PAG1: variants seen among roughly 807,000 people sequenced by gnomAD.
PAG1 encodes phosphoprotein membrane anchor with glycosphingolipid microdomains 1.
A neutral mutation model predicts 31.7 loss-of-function variants in PAG1; 23 were observed. The observed-to-expected ratio is 0.73, with a 90% CI of 0.52 to 1.03. The LOEUF (loss-of-function observed/expected upper bound fraction) is 1.03, where lower values mean the gene tolerates loss of function less well. Among genes scored for constraint, PAG1 ranks in the 50% least tolerant of loss-of-function variants. PAG1 has a pLI of 0.00. For missense variants in PAG1, 473 were observed against 540.7 expected (o/e 0.87, Z 1.24); for synonymous variants, 214 against 210.3 (o/e 1.02, Z -0.15).
rs534984381 is a variant in PAG1, at chr8:81,043,488, T to TGTGTTCATTGTGTTC, written c.-174-13400_-174-13399insGAACACAATGAACAC. On this transcript the variant is annotated intron_variant, in intron 2 of 8. Transcript: ENST00000220597. ...GTTCAACAGTTTCATTGTGTTCATT[T>TGTGTTCATTGTGTTC]ACTGTGTGTTAGAGAATGTTCCATG... Among the ~76,000 whole-genome samples, 690 of 152,354 alleles carry TGTGTTCATTGTGTTC rather than the reference T, an allele frequency of 4.5e-3. 6 individuals are homozygous for TGTGTTCATTGTGTTC. Among genetic ancestry groups the TGTGTTCATTGTGTTC allele is most frequent in the Non-Finnish European group, 5.4e-3 (370 of 68,028 alleles).
intron 3 of PAG1, among the ~76,000 whole-genome samples, chr8:80,997,238 C>G (rs890580944): frequency 2.0e-5 from 3 of 152,162 alleles, no homozygotes; most frequent in Non-Finnish European, 4.4e-5. Context: ...TTACTTGACT[C>G]AATAAACTTG....
Position 81,019,775 on chromosome 8 carries a change from G to T in PAG1, c.-81+10221C>A, listed in dbSNP as rs532478289. Among the ~76,000 whole-genome samples the T allele has an allele frequency of 2.6e-5, 4 of 152,318 alleles. No homozygotes were observed. The South Asian group carries it at 8.3e-4, about 32-fold the overall frequency. On this transcript the variant is annotated intron_variant, in intron 3 of 8. Transcript: ENST00000220597. ...TACCCCTACACAGAGTTCCCACTGG[G>T]GCACTGCCTAGTACAGCCATGAGAA...
chr8:81,023,682 G>C (rs1471193143), intron 3 of PAG1, among the ~76,000 whole-genome samples: 1 of 151,826 alleles, frequency 6.6e-6, no homozygotes, highest in Non-Finnish European at 1.5e-5. Context: ...AATAAATCAA[G>C]GTCAAATTAC....
chr8:81,001,434 C>G (rs367745553), intron 3 of PAG1, among the ~76,000 whole-genome samples: 81 of 152,294 alleles, frequency 5.3e-4, no homozygotes, highest in African/African-American at 1.9e-3. Context: ...TCAAGTGATG[C>G]TGAAACTTGA....
intron 3 of PAG1, among the ~76,000 whole-genome samples, chr8:80,997,757 T>C (rs1453799048): frequency 2.8e-5 from 4 of 145,436 alleles, no homozygotes; most frequent in African/African-American, 1.1e-4. Context: ...TTAATAGTTG[T>C]ACATTAATTC....
intron 1 of PAG1, among the ~76,000 whole-genome samples, chr8:81,106,881 A>G (rs1586223985): frequency 2.6e-5 from 4 of 152,366 alleles, no homozygotes; most frequent in East Asian, 1.9e-4. Context: ...CTGGTTAGAC[A>G]TAAGTGTTCG....
At chr8:81,104,045 A>G (rs780730495) in intron 1 of PAG1, among the ~76,000 whole-genome samples, 1 of 151,866 alleles carries the variant, frequency 6.6e-6, no homozygotes, top group Non-Finnish European at 1.5e-5. Flanking sequence ...CTTGAGATCG[A>G]AATTCATGCC....
chr8:81,072,959 A>G (rs1485391318), intron 1 of PAG1, among the ~76,000 whole-genome samples: 3 of 152,202 alleles, frequency 2.0e-5, no homozygotes, highest in Admixed American at 6.5e-5. Context: ...CATGCTGACA[A>G]TGTTATTAAA....
intron 1 of PAG1, among the ~76,000 whole-genome samples, chr8:81,097,033 C>A (rs894127390): frequency 6.6e-6 from 1 of 152,204 alleles, no homozygotes; most frequent in African/African-American, 2.4e-5. Flanking sequence ...CTCCCTGCTA[C>A]CCCTTCCACA....
intron 3 of PAG1, among the ~76,000 whole-genome samples, chr8:81,029,070 C>T (rs56239460): frequency 0.029 from 4,381 of 152,172 alleles, 201 homozygotes; most frequent in African/African-American, 0.1. Flanking sequence ...TTTCTGTGTG[C>T]GGGTACACAA....
At chr8:81,045,977 C>T (rs1420815365) in intron 2 of PAG1, among the ~76,000 whole-genome samples, 1 of 152,210 alleles carries the variant, frequency 6.6e-6, no homozygotes, top group African/African-American at 2.4e-5. Flanking sequence ...ATAACTCGAC[C>T]TCACAACTTT....
intron 2 of PAG1, among the ~76,000 whole-genome samples, chr8:81,044,833 C>T (rs1242970546): frequency 2.0e-5 from 3 of 152,136 alleles, no homozygotes; most frequent in Non-Finnish European, 2.9e-5. Context: ...ATTTGCTTCT[C>T]ACATTCCCTA....
At chr8:80,993,059 G>T (rs895270) in intron 4 of PAG1, 44 bp downstream of exon 4, 1 of 1,539,616 alleles carries the variant, frequency 6.5e-7, no homozygotes, top group East Asian at 2.4e-5. Context: ...GGGTACAGGG[G>T]ATGTATTAGT....
chr8:81,043,037 TTC>T (rs1471113246), intron 2 of PAG1, among the ~76,000 whole-genome samples: 1 of 152,130 alleles, frequency 6.6e-6, no homozygotes, highest in Non-Finnish European at 1.5e-5. Flanking sequence ...AATACATACT[TTC>T]TGTCTTTTTT....
chr8:81,082,786 A>G (rs1312579377), intron 1 of PAG1, among the ~76,000 whole-genome samples: 2 of 151,712 alleles, frequency 1.3e-5, no homozygotes, highest in Non-Finnish European at 2.9e-5. Context: ...TGAGGTTTCT[A>G]TTTTTTCATT....
At chr8:81,005,528 C>T (rs1254066383) in intron 3 of PAG1, among the ~76,000 whole-genome samples, 2 of 152,144 alleles carry the variant, frequency 1.3e-5, no homozygotes, top group African/African-American at 4.8e-5. Context: ...ATTTCAAAGG[C>T]TGCTAATACC....
chr8:80,980,301 G>A lies in PAG1; in HGVS notation c.936+134C>T, dbSNP rs183006176. 4.6e-3 allele frequency: 2,814 copies of A among 608,064 alleles called. 10 individuals carry two copies. The highest frequency in any genetic ancestry group is 6.0e-3 in the Non-Finnish European group (2,081 of 344,086). The allele number at this position is 608,064 out of a possible 1,614,324, so 37.7% of individuals were successfully genotyped here. A position where few individuals can be genotyped will look rare whatever the true frequency, so the allele number is the denominator to read the frequency against. On this transcript the variant is annotated intron_variant, in intron 8 of 8. Coordinates refer to ENST00000220597, the MANE Select transcript of PAG1 (RefSeq NM_018440.4). ...AGCCATTATAAAACCAGCATCCCAAGTCTTCATCTCCAAACATAGGCATAG... is the reference window on the plus strand; with the variant it reads ...AGCCATTATAAAACCAGCATCCCAAATCTTCATCTCCAAACATAGGCATAG...
At chr8:80,984,713 G>A in intron 7 of PAG1, 63 bp downstream of exon 7, 1 of 1,488,830 alleles carries the variant, frequency 6.7e-7, no homozygotes, top group Non-Finnish European at 9.2e-7. Flanking sequence ...CAACTCCAGG[G>A]CCAGCTAGAT....
intron 2 of PAG1, among the ~76,000 whole-genome samples, chr8:81,063,367 C>T (rs146679515): frequency 1.8e-4 from 27 of 152,228 alleles, no homozygotes; most frequent in African/African-American, 6.3e-4. Context: ...CTTCATTAAA[C>T]CTTGCTCAAG....
Sources: allele counts gnomAD v4.1 joint callset (sites outside exome capture counted in the v4.1 genomes callset), GRCh38; gene constraint gnomAD v4.1.1; transcripts MANE v1.5; gene names NCBI Gene and HGNC (gene_info 2026-07-23, HGNC 2026-07-21).